TNRC6B: variants seen among roughly 807,000 people sequenced by gnomAD.
TNRC6B encodes trinucleotide repeat containing adaptor 6B.
In TNRC6B, 52 loss-of-function variants were observed where a neutral mutation model predicts 203.6. That is an observed-to-expected ratio of 0.26 (90% CI 0.20 to 0.32). The LOEUF is 0.32. Among genes scored for constraint, TNRC6B ranks in the 10% least tolerant of loss-of-function variants. TNRC6B has a pLI of 1.00. For synonymous variants in TNRC6B, 838 were observed against 845.7 expected (o/e 0.99, Z 0.16); for missense variants, 1,923 against 2,286.2 (o/e 0.84, Z 3.24).
chr22:40,050,950 G>A (rs953471162), intron 1 of TNRC6B, among the ~76,000 whole-genome samples: 1 of 151,330 alleles, frequency 6.6e-6, no homozygotes, highest in Non-Finnish European at 1.5e-5. Context: ...TCAGCCTCTC[G>A]AGTAGCTAGG....
At chr22:40,068,878 C>T (rs540892185) in intron 1 of TNRC6B, among the ~76,000 whole-genome samples, 1 of 152,114 alleles carries the variant, frequency 6.6e-6, no homozygotes. Flanking sequence ...AACCATTGCA[C>T]CTTGCCAGAT....
chr22:40,231,424 G>A (rs768614036), intron 1 of TNRC6B, among the ~76,000 whole-genome samples: 20 of 151,948 alleles, frequency 1.3e-4, no homozygotes, highest in Non-Finnish European at 2.6e-4. Context: ...ATTTCTATCC[G>A]CAATGTTTTG....
intron 1 of TNRC6B, among the ~76,000 whole-genome samples, chr22:40,181,472 G>A (rs2069128065): frequency 6.6e-6 from 1 of 152,220 alleles, no homozygotes; most frequent in African/African-American, 2.4e-5. Flanking sequence ...ACACAGCCCT[G>A]AGGCAATGCA....
intron 1 of TNRC6B, among the ~76,000 whole-genome samples, chr22:40,064,401 G>A (rs913552252): frequency 5.3e-5 from 8 of 151,416 alleles, no homozygotes; most frequent in Non-Finnish European, 7.4e-5. Context: ...GGCCTTTATC[G>A]GGTTAAGGAA....
intron 1 of TNRC6B, among the ~76,000 whole-genome samples, chr22:40,064,064 T>C (rs1474353328): frequency 2.0e-5 from 3 of 152,222 alleles, no homozygotes; most frequent in Admixed American, 1.3e-4. Flanking sequence ...ACTGCTAATA[T>C]GTAGAAATAC....
intron 1 of TNRC6B, among the ~76,000 whole-genome samples, chr22:40,198,270 G>A (rs900594238): frequency 3.3e-4 from 50 of 152,262 alleles, no homozygotes; most frequent in African/African-American, 1.1e-3. Flanking sequence ...CATAGATGAT[G>A]CAAAGTTGAA....
At chr22:40,216,847 C>T (rs1278929715) in intron 1 of TNRC6B, among the ~76,000 whole-genome samples, 1 of 152,170 alleles carries the variant, frequency 6.6e-6, no homozygotes, top group Non-Finnish European at 1.5e-5. Flanking sequence ...CAGTTGAAAC[C>T]TAATTCTCAT....
intron 1 of TNRC6B, among the ~76,000 whole-genome samples, chr22:40,111,532 T>C (rs990560607): frequency 2.0e-5 from 3 of 152,130 alleles, no homozygotes; most frequent in African/African-American, 7.2e-5. Flanking sequence ...TAAGGAAGTA[T>C]ATACTAGAAT....
At chr22:40,130,648 G>A (rs1013144882) in intron 3 of TNRC6B, among the ~76,000 whole-genome samples, 4 of 150,474 alleles carry the variant, frequency 2.7e-5, no homozygotes, top group Non-Finnish European at 4.4e-5. Context: ...TTAGCCGGGC[G>A]AGGTGGCGGA....
intron 1 of TNRC6B, among the ~76,000 whole-genome samples, chr22:40,104,710 G>A (rs1355472344): frequency 6.6e-6 from 1 of 152,166 alleles, no homozygotes; most frequent in Non-Finnish European, 1.5e-5. Flanking sequence ...AGAGGAGGGT[G>A]TCAGAGTATA....
At chr22:40,058,406 T>C (rs1407072635) in intron 1 of TNRC6B, among the ~76,000 whole-genome samples, 3 of 107,848 alleles carry the variant, frequency 2.8e-5, no homozygotes, top group Admixed American at 2.5e-4. Flanking sequence ...CAATGTGCTT[T>C]AGCACAATGT....
rs543075675 is a variant in TNRC6B at position 40,152,056 on chromosome 22, A to G, written c.46-4059A>G. Among the ~76,000 whole-genome samples, 6 of 152,324 alleles carry G rather than the reference A, an allele frequency of 3.9e-5. No individual in the cohort carries two copies. The East Asian group carries it at 1.2e-3, about 29-fold the overall frequency. On this transcript the variant is annotated intron_variant, in intron 3 of 23. Transcript: ENST00000301923. ...TACTTACCTAGCACCAGTTCAATAAATAAAAAAAGAACCTTGCTTAGTGGT... is the reference window on the plus strand; with the variant it reads ...TACTTACCTAGCACCAGTTCAATAAGTAAAAAAAGAACCTTGCTTAGTGGT...
intron 1 of TNRC6B, among the ~76,000 whole-genome samples, chr22:40,191,349 A>G (rs956108489): frequency 6.6e-6 from 1 of 152,128 alleles, no homozygotes; most frequent in South Asian, 2.1e-4. Flanking sequence ...GGTCAGTGTT[A>G]GCTACTGTTT....
intron 16 of TNRC6B, among the ~76,000 whole-genome samples, chr22:40,309,061 A>G (rs924888794): frequency 2.4e-4 from 37 of 152,246 alleles, no homozygotes; most frequent in African/African-American, 8.7e-4. Context: ...CCAAAAGAGG[A>G]CTAATAGATC....
At chr22:40,279,810 G>C (rs933724088) in intron 9 of TNRC6B, among the ~76,000 whole-genome samples, 185 bp from the exon 10 acceptor site, 3 of 152,150 alleles carry the variant, frequency 2.0e-5, no homozygotes, top group Admixed American at 2.0e-4. Flanking sequence ...AAGGACCCAT[G>C]TGTGTTCCAG....
intron 1 of TNRC6B, among the ~76,000 whole-genome samples, chr22:40,222,990 AC>A (rs1341678609): frequency 1.1e-4 from 16 of 151,706 alleles, no homozygotes; most frequent in Admixed American, 9.9e-4. Context: ...TGAGCAGGCC[AC>A]CCGCCTTGTC....
intron 1 of TNRC6B, among the ~76,000 whole-genome samples, chr22:40,211,897 G>A (rs566266896): frequency 5.9e-5 from 9 of 152,306 alleles, no homozygotes; most frequent in South Asian, 2.1e-4. Flanking sequence ...TGAACTCTTC[G>A]TATTACTGTG....
At chr22:40,165,521 T>C (rs552001851) in intron 4 of TNRC6B, among the ~76,000 whole-genome samples, 15 of 152,276 alleles carry the variant, frequency 9.9e-5, no homozygotes, top group African/African-American at 3.6e-4. Flanking sequence ...CCAACAGACC[T>C]GATTTTATCT....
chr22:40,119,623 C>T (rs573478316), intron 2 of TNRC6B, among the ~76,000 whole-genome samples: 3 of 152,288 alleles, frequency 2.0e-5, no homozygotes, highest in South Asian at 4.1e-4. Flanking sequence ...TACATGCATA[C>T]GTAAACACTT....
Sources: gnomAD v4.1 joint callset for allele counts (sites outside exome capture counted in the v4.1 genomes callset) on GRCh38, gnomAD v4.1.1 for gene constraint, MANE v1.5 for transcripts, NCBI Gene and HGNC (gene_info 2026-07-23, HGNC 2026-07-21) for gene names.